Variants in FRAS1 observed in about 807,000 individuals in gnomAD.
FRAS1 encodes the protein Fraser extracellular matrix complex subunit 1, also known as extracellular matrix organizing protein FRAS1.
A neutral mutation model predicts 435.2 loss-of-function variants in FRAS1; 290 were observed. That is an observed-to-expected ratio of 0.67 (90% CI 0.61 to 0.73). FRAS1 has a LOEUF of 0.73. FRAS1 is among the 30% of genes least tolerant of loss of function. The pLI is 0.00. For synonymous variants in FRAS1, 1,800 were observed against 1,851.0 expected (o/e 0.97, Z 0.71); for missense variants, 4,860 against 5,001.5 (o/e 0.97, Z 0.85).
chr4:78,507,329 T>C, intron 61 of FRAS1, 92 bp from the exon 62 acceptor site: 1 of 1,087,572 alleles, frequency 9.2e-7, no homozygotes, highest in Non-Finnish European at 1.3e-6. Context: ...GAACATATTT[T>C]AACATAATGT....
intron 2 of FRAS1, among the ~76,000 whole-genome samples, chr4:78,127,336 G>A (rs6845871): frequency 0.53 from 79,863 of 151,886 alleles, 22,571 homozygotes; most frequent in Non-Finnish European, 0.64. Context: ...TAAGGGCTTT[G>A]GACTCTATCT....
At chr4:78,223,873 A>T (rs1271380031) in intron 2 of FRAS1, among the ~76,000 whole-genome samples, 1 of 152,196 alleles carries the variant, frequency 6.6e-6, no homozygotes, top group East Asian at 1.9e-4. Context: ...AGCAATTCTT[A>T]TACACTTCCT....
At chr4:78,462,381 CA>C (rs934820094) in intron 47 of FRAS1, among the ~76,000 whole-genome samples, 1 of 145,006 alleles carries the variant, frequency 6.9e-6, no homozygotes, top group African/African-American at 2.6e-5. Context: ...TCTCAGAAAA[CA>C]AAAAAAAAGA....
chr4:78,369,883 C>T lies in FRAS1; in HGVS notation c.2768C>T (p.Thr923Ile). 1 of 1,613,562 alleles carries T rather than the reference C, an allele frequency of 6.2e-7. No homozygotes were observed. The highest frequency in any genetic ancestry group is 8.5e-7 in the Non-Finnish European group (1 of 1,179,688). ...CGSCDSQASC[T>I]SCRDPNKVLL... is the part of the protein sequence containing the mutation. ...AGCTGTGATTCACAGGCCAGCTGTA[C>T]CTCCTGCCGAGATCCAAACAAGGTT... Residue 923 changes from threonine to isoleucine, a missense_variant, in exon 23 of 74, where the codon ACC (threonine) becomes ATC (isoleucine). Physicochemically the swap from Thr to Ile is moderately conservative, Grantham distance 89. Transcript: ENST00000512123.
intron 47 of FRAS1, among the ~76,000 whole-genome samples, chr4:78,459,894 A>G (rs1719315632): frequency 6.6e-6 from 1 of 152,212 alleles, no homozygotes; most frequent in South Asian, 2.1e-4. Flanking sequence ...GACACCAGTC[A>G]TATTCGATTA....
chr4:78,117,749 T>C (rs796301509), intron 2 of FRAS1, among the ~76,000 whole-genome samples: 7 of 152,396 alleles, frequency 4.6e-5, no homozygotes, highest in African/African-American at 1.7e-4. Context: ...TTTTCAAGGT[T>C]TTTAACTTCT....
At chr4:78,478,146 T>C in intron 55 of FRAS1, 85 bp downstream of exon 55, 1 of 1,384,426 alleles carries the variant, frequency 7.2e-7, no homozygotes. Flanking sequence ...ACTCATCTCA[T>C]GCATTATCTT....
At chr4:78,512,995 C>G (rs766742967) in intron 64 of FRAS1, among the ~76,000 whole-genome samples, 38 of 152,288 alleles carry the variant, frequency 2.5e-4, no homozygotes, top group Admixed American at 1.0e-3. Flanking sequence ...TCAACCTTAC[C>G]TAACTTCCAT....
intron 2 of FRAS1, among the ~76,000 whole-genome samples, chr4:78,133,894 G>A (rs1215401841): frequency 6.6e-6 from 1 of 151,550 alleles, no homozygotes; most frequent in Admixed American, 6.6e-5. Context: ...TTACTTGACT[G>A]TGAATCCTCA....
chr4:78,432,192 G>C lies in FRAS1; in HGVS notation c.4970-165G>C, dbSNP rs188823553. On this transcript the variant is annotated intron_variant, in intron 37 of 73. Coordinates refer to ENST00000512123, the MANE Select transcript of FRAS1 (RefSeq NM_025074.7). Reference sequence around the variant, plus strand: ...GAGAAACTAATTACCCTTTTTCAACGGTGGTGTAAAGGGAATCCTATAGTA... The same window carrying C: ...GAGAAACTAATTACCCTTTTTCAACCGTGGTGTAAAGGGAATCCTATAGTA... Among the ~76,000 whole-genome samples, 22 of 152,168 alleles carry C rather than the reference G, an allele frequency of 1.4e-4. No homozygotes were observed. The East Asian group carries it at 4.2e-3, about 29-fold the overall frequency.
chr4:78,057,987 C>T lies in FRAS1; in HGVS notation c.-23C>T, dbSNP rs34237418. On this transcript the variant is annotated 5_prime_UTR_variant, in exon 1 of 74. Coordinates refer to ENST00000512123, the MANE Select transcript of FRAS1 (RefSeq NM_025074.7). This position sits in a 1 kb window ranked among gnomAD's most constrained non-coding sequence, Gnocchi z 4.2. ...CTTGGATGCTGAAGGCTGGGCTCCT[C>T]CATCGTGGGTGCCGAGGCGGCGATG... 0.19 allele frequency: 300,783 copies of T among 1,611,780 alleles called. 30,439 individuals carry two copies. Among genetic ancestry groups the T allele is most frequent in the Non-Finnish European group, 0.21 (245,576 of 1,178,134 alleles).
intron 9 of FRAS1, among the ~76,000 whole-genome samples, chr4:78,273,996 G>A (rs931627741): frequency 8.5e-5 from 13 of 152,148 alleles, no homozygotes; most frequent in African/African-American, 1.4e-4. Context: ...TTCAGAACCC[G>A]TTATTGTTCA....
At chr4:78,308,656 GTTA>G (rs1156831543) in intron 15 of FRAS1, among the ~76,000 whole-genome samples, 1 of 152,216 alleles carries the variant, frequency 6.6e-6, no homozygotes, top group East Asian at 1.9e-4. Context: ...AAGCTGAGCA[GTTA>G]TTATCCATTC....
At chr4:78,468,211 T>C (rs1719591877) in intron 50 of FRAS1, among the ~76,000 whole-genome samples, 1 of 152,176 alleles carries the variant, frequency 6.6e-6, no homozygotes, top group African/African-American at 2.4e-5. Context: ...TTTGAGGTCT[T>C]AGGTTTAATT....
In FRAS1 at chr4:78,215,866, G is replaced by A. The variant is rs1723744620; in HGVS notation, c.109-21644G>A. Among the ~76,000 whole-genome samples, 3 of 152,160 alleles carry A rather than the reference G, an allele frequency of 2.0e-5. No homozygotes were observed. In the South Asian group the frequency reaches 6.2e-4, roughly 32 times the overall value. On this transcript the variant is annotated intron_variant, in intron 2 of 73. Coordinates refer to ENST00000512123, the MANE Select transcript of FRAS1 (RefSeq NM_025074.7). ...TCCATTCATCTGTCGACAGACACTT[G>A]GGTTGCTTCCACCTTTTGGCTATTG...
chr4:78,489,979 A>AAAAAC, intron 59 of FRAS1, among the ~76,000 whole-genome samples: 1 of 150,750 alleles, frequency 6.6e-6, no homozygotes, highest in East Asian at 1.9e-4. Flanking sequence ...AAAAAAAAAA[A>AAAAAC]AAAAAAAAGA....
At chr4:78,079,028 T>C in intron 2 of FRAS1, among the ~76,000 whole-genome samples, 1 of 152,036 alleles carries the variant, frequency 6.6e-6, no homozygotes, top group South Asian at 2.1e-4. Flanking sequence ...ATTAGAGGAG[T>C]GGTTAAGTAA....
chr4:78,058,122 G>C, intron 1 of FRAS1, 37 bp downstream of exon 1: 1 of 1,533,386 alleles, frequency 6.5e-7, no homozygotes, highest in Non-Finnish European at 9.0e-7. Context: ...GTGTGTGTGC[G>C]TGTGCGTGTG....
intron 14 of FRAS1, among the ~76,000 whole-genome samples, chr4:78,302,068 T>C (rs1156282721): frequency 6.6e-6 from 1 of 150,990 alleles, no homozygotes; most frequent in Non-Finnish European, 1.5e-5. Context: ...TGTGTTCTCA[T>C]TGTTCAATTC....
Sources: allele counts gnomAD v4.1 joint callset (sites outside exome capture counted in the v4.1 genomes callset), GRCh38; gene constraint gnomAD v4.1.1; non-coding constraint Gnocchi (gnomAD v3.1); transcripts MANE v1.5; gene names NCBI Gene and HGNC (gene_info 2026-07-23, HGNC 2026-07-21).